PDE4B: variants seen among roughly 807,000 people sequenced by gnomAD.
The protein encoded by PDE4B is 3',5'-cyclic-AMP phosphodiesterase 4B.
In PDE4B, 20 loss-of-function variants were observed where a neutral mutation model predicts 82.2. The observed-to-expected ratio is 0.24, with a 90% confidence interval of 0.17 to 0.35. PDE4B has a LOEUF of 0.35. Ranked by LOEUF, PDE4B falls within the 10% of genes least tolerant of loss-of-function variation. PDE4B has a pLI of 1.00. For synonymous variants in PDE4B, 320 were observed against 318.9 expected (o/e 1.00, Z -0.04); for missense variants, 655 against 907.2 (o/e 0.72, Z 3.57).
At chr1:66,031,633 G>A (rs1653781273) in intron 3 of PDE4B, among the ~76,000 whole-genome samples, 1 of 152,094 alleles carries the variant, frequency 6.6e-6, no homozygotes, top group Admixed American at 6.6e-5. Context: ...TACTATTAAT[G>A]CAGAGGTAGA....
chr1:66,371,053 A>G (rs1285130870), intron 16 of PDE4B, among the ~76,000 whole-genome samples: 1 of 109,960 alleles, frequency 9.1e-6, no homozygotes, highest in Non-Finnish European at 1.8e-5. Context: ...ATATATACAC[A>G]CATCATACAT....
intron 3 of PDE4B, among the ~76,000 whole-genome samples, chr1:66,022,654 A>G (rs1356375586): frequency 1.3e-5 from 2 of 152,196 alleles, no homozygotes; most frequent in African/African-American, 4.8e-5. Context: ...CCAGGGATGA[A>G]ACCAACTTGA....
chr1:66,272,783 T>C (rs1439437148), intron 7 of PDE4B, among the ~76,000 whole-genome samples: 1 of 133,460 alleles, frequency 7.5e-6, no homozygotes, highest in African/African-American at 2.8e-5. Flanking sequence ...AGAATTCTTT[T>C]TTTTTTTTTT....
At chr1:65,918,048 T>C (rs1647182721) in intron 2 of PDE4B, among the ~76,000 whole-genome samples, 1 of 152,010 alleles carries the variant, frequency 6.6e-6, no homozygotes, top group African/African-American at 2.4e-5. Context: ...CCTGTAGTCC[T>C]AGCTACTTGG....
Position 66,365,714 on chromosome 1 carries a change from C to A in PDE4B, c.1332C>A (p.Ala444=). 6.2e-7 allele frequency: 1 copy of A among 1,609,696 alleles called. No homozygotes were observed. Among genetic ancestry groups the A allele is most frequent in the Non-Finnish European group, 8.5e-7 (1 of 1,176,680 alleles). ...LEILAAIFAA[A]IHDVDHPGVS... ...TCCTGGCTGCCATTTTTGCAGCTGC[C>A]ATCCATGACGTTGATCATCCTGGAG... is the stretch of plus-strand genomic sequence containing the variant. Residue 444 remains alanine (A), a synonymous_variant, in exon 13 of 17, where the codon GCC becomes GCA. Transcript: ENST00000341517.
chr1:65,869,699 A>T (rs1275128482), intron 1 of PDE4B, among the ~76,000 whole-genome samples: 2 of 151,884 alleles, frequency 1.3e-5, no homozygotes, highest in East Asian at 3.9e-4. Flanking sequence ...TTCACCCCTT[A>T]TAATCTGTGA....
intron 1 of PDE4B, among the ~76,000 whole-genome samples, chr1:65,856,029 A>C (rs1004866288): frequency 6.6e-6 from 1 of 152,126 alleles, no homozygotes; most frequent in African/African-American, 2.4e-5. Flanking sequence ...TAGATGCAGA[A>C]GTCTCCCAAT....
chr1:66,203,754 T>TC (rs1463430641), intron 3 of PDE4B, among the ~76,000 whole-genome samples: 11 of 152,216 alleles, frequency 7.2e-5, no homozygotes, highest in African/African-American at 2.6e-4. Flanking sequence ...TTCATCTAAT[T>TC]TTTTTTCAAA....
At chr1:66,149,360 G>T (rs945052857) in intron 3 of PDE4B, among the ~76,000 whole-genome samples, 1 of 152,016 alleles carries the variant, frequency 6.6e-6, no homozygotes, top group African/African-American at 2.4e-5. Flanking sequence ...AAGTATGTCT[G>T]ATTATTGATT....
At chr1:65,839,943 G>C (rs1646187796) in intron 1 of PDE4B, among the ~76,000 whole-genome samples, 1 of 152,048 alleles carries the variant, frequency 6.6e-6, no homozygotes, top group South Asian at 2.1e-4. Flanking sequence ...GTTGTTTCCT[G>C]ACTTTTTAAT....
At chr1:66,305,738 T>A (rs611838) in intron 7 of PDE4B, among the ~76,000 whole-genome samples, 1 of 152,050 alleles carries the variant, frequency 6.6e-6, no homozygotes, top group East Asian at 1.9e-4. Context: ...GTCTTCCTGG[T>A]AACTCCTTAA....
intron 3 of PDE4B, among the ~76,000 whole-genome samples, chr1:66,101,013 G>A (rs1486332561): frequency 6.6e-6 from 1 of 151,996 alleles, no homozygotes; most frequent in African/African-American, 2.4e-5. Context: ...CCCAGTGTGT[G>A]ATGTTCCCCT....
At chr1:66,322,638 A>G (rs1659484823) in intron 7 of PDE4B, among the ~76,000 whole-genome samples, 1 of 152,066 alleles carries the variant, frequency 6.6e-6, no homozygotes, top group East Asian at 1.9e-4. Context: ...TAGAATGGTG[A>G]TCATTAAAAA....
chr1:66,090,866 C>T (rs1027379459), intron 3 of PDE4B, among the ~76,000 whole-genome samples: 1 of 151,696 alleles, frequency 6.6e-6, no homozygotes, highest in Non-Finnish European at 1.5e-5. Flanking sequence ...ATGACGGGAA[C>T]TAGAGAATGT....
chr1:66,280,356 A>G (rs1470400536), intron 7 of PDE4B, among the ~76,000 whole-genome samples: 4 of 152,224 alleles, frequency 2.6e-5, no homozygotes, highest in African/African-American at 9.6e-5. Context: ...AGAGAAGAGA[A>G]AATCTTGGGC....
At position 65,798,557 on chromosome 1, in the gene PDE4B, C is replaced by T. The variant is rs1312285455; in HGVS notation, c.-71+5309C>T. On this transcript the variant is annotated intron_variant, in intron 1 of 16. Coordinates refer to ENST00000341517, the MANE Select transcript of PDE4B (RefSeq NM_002600.4). ...ACAGGCGTGAGCCACCGCGCCCGGC[C>T]GTGCCAGGCTAGTCTTGAACTCCTG... is the stretch of plus-strand genomic sequence containing the variant. Among the ~76,000 whole-genome samples, 3 of 36,384 alleles carry T rather than the reference C, an allele frequency of 8.2e-5. 1 individual carries two copies. Among genetic ancestry groups the T allele is most frequent in the Non-Finnish European group, 4.2e-5 (1 of 23,758 alleles). 23.9% of individuals were successfully genotyped at this position (36,384 alleles called of 152,430 possible).
intron 3 of PDE4B, among the ~76,000 whole-genome samples, chr1:66,069,081 G>C (rs1044608642): frequency 6.6e-6 from 1 of 152,010 alleles, no homozygotes; most frequent in African/African-American, 2.4e-5. Flanking sequence ...TCTAAGAATG[G>C]TTTCCAGATA....
intron 3 of PDE4B, among the ~76,000 whole-genome samples, chr1:65,982,622 G>T (rs1441230494): frequency 6.6e-6 from 1 of 152,136 alleles, no homozygotes; most frequent in Non-Finnish European, 1.5e-5. Flanking sequence ...CTTGTCTGGT[G>T]GTTTGGAACC....
At chr1:65,913,705 T>A (rs962042856) in intron 2 of PDE4B, among the ~76,000 whole-genome samples, 2 of 152,216 alleles carry the variant, frequency 1.3e-5, no homozygotes, top group Non-Finnish European at 2.9e-5. Context: ...TTTACCCATG[T>A]ACAGCTAACC....
Sources: gnomAD v4.1 joint callset for allele counts (sites outside exome capture counted in the v4.1 genomes callset) on GRCh38, gnomAD v4.1.1 for gene constraint, MANE v1.5 for transcripts, NCBI Gene and HGNC (gene_info 2026-07-23, HGNC 2026-07-21) for gene names.